PPIL4: variants seen among roughly 807,000 people sequenced by gnomAD.
The protein encoded by PPIL4 is peptidyl-prolyl cis-trans isomerase-like 4.
Under a neutral mutation model 69.1 loss-of-function variants are expected in PPIL4, and 50 were observed. That is an observed-to-expected ratio of 0.72 (90% CI 0.58 to 0.92). The LOEUF (loss-of-function observed/expected upper bound fraction) is 0.92, where lower values mean the gene tolerates loss of function less well. PPIL4 is among the 40% of genes least tolerant of loss of function. The pLI, the probability that PPIL4 is intolerant of heterozygous loss-of-function variation, is 0.00. For missense variants in PPIL4, 480 were observed against 587.9 expected (o/e 0.82, Z 1.90); for synonymous variants, 193 against 191.6 (o/e 1.01, Z -0.06).
At chr6:149,537,942 T>C (rs946280486) in intron 4 of PPIL4, among the ~76,000 whole-genome samples, 3 of 152,106 alleles carry the variant, frequency 2.0e-5, no homozygotes, top group Non-Finnish European at 2.9e-5. Context: ...GGAGCTCTGA[T>C]GGATATGATG....
intron 10 of PPIL4, 170 bp from the exon 11 acceptor site, chr6:149,517,620 C>A: frequency 2.1e-6 from 1 of 485,352 alleles, no homozygotes; most frequent in Non-Finnish European, 3.6e-6. Flanking sequence ...AATTTGAAAT[C>A]AGACATCCAT....
chr6:149,505,465 AG>A lies in PPIL4; in HGVS notation c.1466del (p.Ser489LeufsTer7). The A allele has an allele frequency of 6.2e-7, 1 of 1,612,154 alleles. No homozygotes were observed. On this transcript the variant is annotated frameshift_variant, in exon 13 of 13. Transcript: ENST00000253329. LOFTEE classifies it high-confidence loss of function. ...GCCTCTTCATCTTTCATCTATACTT[AG>A]ATTTTTCTTTATCTTTGGACTTCTT... ...SPKKSKDKEK[S>X]KYR
rs1190274567 is a variant in PPIL4 at position 149,541,041 on chromosome 6, T to C, written c.222A>G (p.Gln74=). The C allele has an allele frequency of 2.5e-6, 4 of 1,609,636 alleles. No homozygotes were observed. Among genetic ancestry groups the C allele is most frequent in the Middle Eastern group, 1.6e-4 (1 of 6,070 alleles). Residue 74 remains glutamine (Q), a synonymous_variant, in exon 4 of 13, where the codon CAA becomes CAG. Coordinates refer to ENST00000253329, the MANE Select transcript of PPIL4 (RefSeq NM_139126.4). ...CTTTTTCTGCCTCAAAAAAGCTTGCTTGATCACCATACAGTTGGCTGAAAA... is the reference window on the plus strand; with the variant it reads ...CTTTTTCTGCCTCAAAAAAGCTTGCCTGATCACCATACAGTTGGCTGAAAA... The part of the protein sequence containing the change: ...ESIFGQLYGD[Q]ASFFEAEKVP...
At chr6:149,538,579 G>C (rs1777314400) in intron 4 of PPIL4, among the ~76,000 whole-genome samples, 1 of 152,206 alleles carries the variant, frequency 6.6e-6, no homozygotes, top group Non-Finnish European at 1.5e-5. Context: ...CACCATTCTA[G>C]ATGTCATTAA....
intron 11 of PPIL4, 167 bp downstream of exon 11, chr6:149,517,187 G>A (rs1436724430): frequency 1.8e-6 from 1 of 566,558 alleles, no homozygotes; most frequent in Non-Finnish European, 3.1e-6. Flanking sequence ...GTATATGTAA[G>A]ATCTTGAAAA....
In PPIL4 at chr6:149,526,901, G is replaced by A. The variant is rs1583208671; in HGVS notation, c.679-125C>T. 11 of 927,368 alleles carry A rather than the reference G, an allele frequency of 1.2e-5. No individual in the cohort carries two copies. In the East Asian group the frequency reaches 2.9e-4, roughly 24 times the overall value. 57.4% of individuals were successfully genotyped at this position (927,368 alleles called of 1,614,324 possible). A position where few individuals can be genotyped will look rare whatever the true frequency, so the allele number is the denominator to read the frequency against. On this transcript the variant is annotated intron_variant, in intron 7 of 12. Transcript: ENST00000253329. ...TTTATGTTACAAACTGCAGGCTCTG[G>A]AAAAGAAATCCAAATAAGATTTCAA...
intron 7 of PPIL4, among the ~76,000 whole-genome samples, chr6:149,530,715 G>A (rs1382554355): frequency 1.3e-5 from 2 of 151,884 alleles, no homozygotes; most frequent in African/African-American, 2.4e-5. Flanking sequence ...GTTGGTAATT[G>A]TGGAAAAAGT....
chr6:149,513,282 G>C (rs1331486209), intron 11 of PPIL4, among the ~76,000 whole-genome samples: 1 of 146,024 alleles, frequency 6.8e-6, no homozygotes, highest in Non-Finnish European at 1.5e-5. Flanking sequence ...CTACTCGGGA[G>C]GCTGAGGCAG....
chr6:149,525,427 T>C (rs957238183), intron 8 of PPIL4, among the ~76,000 whole-genome samples: 2 of 152,218 alleles, frequency 1.3e-5, no homozygotes, highest in African/African-American at 4.8e-5. Context: ...GTGCCTTATA[T>C]AGGCCTACAG....
intron 9 of PPIL4, among the ~76,000 whole-genome samples, chr6:149,522,032 A>G (rs763472149): frequency 2.0e-5 from 3 of 152,250 alleles, no homozygotes; most frequent in Non-Finnish European, 4.4e-5. Flanking sequence ...ACATGTCAAT[A>G]ATTAAATGAA....
At chr6:149,519,175 G>A (rs1375899287) in intron 10 of PPIL4, among the ~76,000 whole-genome samples, 1 of 152,170 alleles carries the variant, frequency 6.6e-6, no homozygotes. Flanking sequence ...AAGAAGACAG[G>A]ATTGAGAGGG....
intron 12 of PPIL4, among the ~76,000 whole-genome samples, chr6:149,508,796 A>G (rs1333545390): frequency 1.3e-5 from 2 of 152,228 alleles, no homozygotes; most frequent in Non-Finnish European, 2.9e-5. Flanking sequence ...GTGGAAAATT[A>G]AACAAACGTT....
intron 7 of PPIL4, among the ~76,000 whole-genome samples, chr6:149,527,969 A>G (rs906341325): frequency 6.6e-6 from 1 of 152,238 alleles, no homozygotes; most frequent in Non-Finnish European, 1.5e-5. Context: ...AATAAGAAGT[A>G]TCACAGCCAG....
Position 149,535,736 on chromosome 6 carries a change from A to T in PPIL4, c.324T>A (p.Phe108Leu). Residue 108 changes from phenylalanine to leucine, a missense_variant and splice_region_variant, in exon 5 of 13, where the codon TTT becomes TTA. Physicochemically the swap from Phe to Leu is conservative, Grantham distance 22 (BLOSUM62 0). Coordinates refer to ENST00000253329, the MANE Select transcript of PPIL4 (RefSeq NM_139126.4). ...NNGSDQHGSQFLITTGENLDY... is the reference protein window; with the variant it reads ...NNGSDQHGSQLLITTGENLDY... Reference sequence around the variant, plus strand: ...CTAGATTTTCTCCTGTGGTGATAAGAAACTATAAAGAAGGACACATAATAA... The same window carrying T: ...CTAGATTTTCTCCTGTGGTGATAAGTAACTATAAAGAAGGACACATAATAA... 6.3e-7 allele frequency: 1 copy of T among 1,597,632 alleles called. No homozygotes were observed. Among genetic ancestry groups the T allele is most frequent in the Non-Finnish European group, 8.6e-7 (1 of 1,169,556 alleles).
At chr6:149,538,611 G>A (rs1343762544) in intron 4 of PPIL4, among the ~76,000 whole-genome samples, 2 of 152,204 alleles carry the variant, frequency 1.3e-5, no homozygotes, top group Non-Finnish European at 2.9e-5. Context: ...ATTTGTGGGA[G>A]GAGGTCAAAA....
At chr6:149,544,732 G>A (rs1777413132) in intron 1 of PPIL4, among the ~76,000 whole-genome samples, 1 of 152,210 alleles carries the variant, frequency 6.6e-6, no homozygotes, top group Non-Finnish European at 1.5e-5. Context: ...ATATTGTTTA[G>A]AAGAAACAGC....
intron 4 of PPIL4, among the ~76,000 whole-genome samples, chr6:149,538,650 G>A (rs1306487706): frequency 6.6e-6 from 1 of 152,150 alleles, no homozygotes; most frequent in African/African-American, 2.4e-5. Flanking sequence ...TTAAGAAGAA[G>A]TAGATTCCAA....
chr6:149,520,028 A>G (rs1777005818), intron 10 of PPIL4, among the ~76,000 whole-genome samples: 1 of 152,228 alleles, frequency 6.6e-6, no homozygotes, highest in South Asian at 2.1e-4. Flanking sequence ...TGTAATATGT[A>G]CAAAGGTGGA....
At chr6:149,538,798 G>C (rs1239666717) in intron 4 of PPIL4, among the ~76,000 whole-genome samples, 1 of 151,960 alleles carries the variant, frequency 6.6e-6, no homozygotes, top group Admixed American at 6.6e-5. Flanking sequence ...GATCAAACCT[G>C]ACCAGATATG....
Sources: allele counts gnomAD v4.1 joint callset (sites outside exome capture counted in the v4.1 genomes callset), GRCh38; gene constraint gnomAD v4.1.1; transcripts MANE v1.5; gene names NCBI Gene and HGNC (gene_info 2026-07-23, HGNC 2026-07-21).